LBP: variants seen among roughly 807,000 people sequenced by gnomAD.
LBP encodes the protein lipopolysaccharide-binding protein.
In LBP, 53 loss-of-function variants were observed where a neutral mutation model predicts 56.6. That is an observed-to-expected ratio of 0.94 (90% confidence interval 0.75 to 1.18). The LOEUF (loss-of-function observed/expected upper bound fraction) is 1.18. Ranked by LOEUF, LBP falls within the 50% of genes most tolerant of loss-of-function variation. The probability of loss-of-function intolerance (pLI) is 0.00; values close to 1 mark genes in which losing one functional copy is unlikely to be tolerated. For synonymous variants in LBP, 227 were observed against 247.5 expected, an observed-to-expected ratio of 0.92 and a Z score of 0.78; for missense variants, 601 against 598.3, an observed-to-expected ratio of 1.00 and a Z score of -0.05.
chr20:38,366,005 A>G (rs1235355938), intron 8 of LBP, among the ~76,000 whole-genome samples: 1 of 152,150 alleles, frequency 6.6e-6, no homozygotes, highest in Non-Finnish European at 1.5e-5. Context: ...GTGGCTTTGT[A>G]TAAGGGAGAC....
intron 1 of LBP, 35 bp from the exon 2 acceptor site, chr20:38,349,513 G>A (rs2076812757): frequency 1.3e-6 from 2 of 1,519,120 alleles, no homozygotes; most frequent in Non-Finnish European, 1.8e-6. Context: ...GAGGCAGGCA[G>A]ATCAAGCTGA....
At chr20:38,356,700 AATT>A (rs2076842478) in intron 5 of LBP, among the ~76,000 whole-genome samples, 2 of 152,158 alleles carry the variant, frequency 1.3e-5, no homozygotes, top group African/African-American at 2.4e-5. Flanking sequence ...CACATACCAT[AATT>A]ATTGTTTTGA....
At position 38,368,374 on chromosome 20, in the gene LBP, C is replaced by T. The variant is rs928198652; in HGVS notation, c.982-621C>T. 1.1e-4 allele frequency among the ~76,000 whole-genome samples: 17 copies of T among 152,152 alleles called. No homozygotes were observed. The South Asian group carries it at 2.7e-3, about 24-fold the overall frequency. On this transcript the variant is annotated intron_variant, in intron 9 of 14. Coordinates refer to ENST00000217407, the MANE Select transcript of LBP (RefSeq NM_004139.5). ...CAGCACTTTGGGAGGCTGAGGCGGGCAGATCACCTGAGGTCAGGAGTTCAA... is the reference window on the plus strand; with the variant it reads ...CAGCACTTTGGGAGGCTGAGGCGGGTAGATCACCTGAGGTCAGGAGTTCAA...
intron 9 of LBP, among the ~76,000 whole-genome samples, chr20:38,367,165 A>G (rs1389856657): frequency 6.6e-6 from 1 of 152,094 alleles, no homozygotes; most frequent in Non-Finnish European, 1.5e-5. Flanking sequence ...TTAAAAAATT[A>G]TTTTTTGGCC....
intron 8 of LBP, among the ~76,000 whole-genome samples, chr20:38,365,711 AAAAAAAATATATAT>A (rs1287223765): frequency 1.3e-4 from 5 of 38,590 alleles, no homozygotes; most frequent in South Asian, 8.0e-4. Flanking sequence ...AAAAAAAAAA[AAAAAAAATATATAT>A]ATATATATAT....
chr20:38,371,363 A>G, intron 12 of LBP, 41 bp downstream of exon 12: 1 of 1,451,652 alleles, frequency 6.9e-7, no homozygotes, highest in Non-Finnish European at 9.7e-7. Context: ...AATGTTAATT[A>G]ATTTGGGGTG....
intron 5 of LBP, among the ~76,000 whole-genome samples, chr20:38,356,970 C>T (rs539797775): frequency 6.6e-6 from 1 of 152,228 alleles, no homozygotes; most frequent in African/African-American, 2.4e-5. Flanking sequence ...ATTCTTCTGC[C>T]TCAGCCTCCC....
At chr20:38,366,892 T>G in intron 9 of LBP, 64 bp downstream of exon 9, 1 of 1,406,356 alleles carries the variant, frequency 7.1e-7, no homozygotes, top group Non-Finnish European at 1.0e-6. Flanking sequence ...AGGTTTCTCT[T>G]TAAAACCTCT....
chr20:38,365,870 C>A (rs1041894322), intron 8 of LBP, among the ~76,000 whole-genome samples: 2 of 151,826 alleles, frequency 1.3e-5, no homozygotes, highest in Non-Finnish European at 2.9e-5. Context: ...AAATTAATTT[C>A]TTTAACATCT....
In LBP at chr20:38,360,765, C is replaced by G. The variant is rs551617706; in HGVS notation, c.650C>G (p.Pro217Arg). 1 of 1,607,114 alleles carries G rather than the reference C, an allele frequency of 6.2e-7. No homozygotes were observed. Among genetic ancestry groups the G allele is most frequent in the Non-Finnish European group, 8.5e-7 (1 of 1,173,912 alleles). Residue 217 changes from proline to arginine, a missense_variant and splice_region_variant, in exon 6 of 15, where the codon CCA (proline) becomes CGA (arginine). Transcript: ENST00000217407. Reference sequence around the variant, plus strand: ...CTACAGCCTTATCTCCAAACTCTGCCAGGTAGGACACCCCATCCATCCCGG... The same window carrying G: ...CTACAGCCTTATCTCCAAACTCTGCGAGGTAGGACACCCCATCCATCCCGG... ...SDLQPYLQTLPVTTEIDSFAD... is the reference protein window; with the variant it reads ...SDLQPYLQTLRVTTEIDSFAD...
At chr20:38,347,583 G>A (rs2076805292) in intron 1 of LBP, among the ~76,000 whole-genome samples, 1 of 152,082 alleles carries the variant, frequency 6.6e-6, no homozygotes, top group East Asian at 1.9e-4. Flanking sequence ...AGCAAAAGTA[G>A]GAGTATTTTT....
Position 38,365,234 on chromosome 20 carries a change from C to CAAAAAAAA in LBP, c.921+494_921+501dup, listed in dbSNP as rs10627735. Among the ~76,000 whole-genome samples, 59 of 96,666 alleles carry CAAAAAAAA rather than the reference C, an allele frequency of 6.1e-4. 2 individuals carry two copies. Among genetic ancestry groups the CAAAAAAAA allele is most frequent in the African/African-American group, 2.3e-3 (57 of 24,622 alleles). 63.4% of individuals were successfully genotyped at this position (96,666 alleles called of 152,430 possible). A position where few individuals can be genotyped will look rare whatever the true frequency, so the allele number is the denominator to read the frequency against. ...TGAGCAACAGAGTGAGACCCTGTCT[C>CAAAAAAAA]AAAAAAAAAAAAAAAAAAAGCTCTT... On this transcript the variant is annotated intron_variant, in intron 8 of 14. Coordinates refer to ENST00000217407, the MANE Select transcript of LBP (RefSeq NM_004139.5).
chr20:38,351,062 C>A, intron 3 of LBP, 123 bp downstream of exon 3: 1 of 1,284,648 alleles, frequency 7.8e-7, no homozygotes, highest in South Asian at 1.5e-5. Flanking sequence ...GAGTCCAAGC[C>A]CGGAGGTGGC....
At chr20:38,348,792 T>TTTAGTTTAGTTTAGTTTAGTTTAGTTTA (rs1600721185) in intron 1 of LBP, among the ~76,000 whole-genome samples, 30 of 41,626 alleles carry the variant, frequency 7.2e-4, no homozygotes, top group African/African-American at 1.1e-3. Context: ...AGTTTAGTTT[T>TTTAGTTTAGTTTAGTTTAGTTTAGTTTA]GTTTTGTTTT....
intron 11 of LBP, among the ~76,000 whole-genome samples, chr20:38,371,057 TAAAG>T (rs1568836030): frequency 1.3e-5 from 2 of 152,210 alleles, no homozygotes; most frequent in Non-Finnish European, 2.9e-5. Flanking sequence ...CCTGAAATGA[TAAAG>T]AGTGAGCTTT....
intron 8 of LBP, 134 bp downstream of exon 8, chr20:38,364,886 A>G: frequency 1.2e-6 from 1 of 827,406 alleles, no homozygotes; most frequent in Non-Finnish European, 1.9e-6. Context: ...CAAGAAAAAT[A>G]TGTTAGCACA....
chr20:38,367,304 A>AT (rs2076885725), intron 9 of LBP, among the ~76,000 whole-genome samples: 1 of 152,010 alleles, frequency 6.6e-6, no homozygotes, highest in African/African-American at 2.4e-5. Flanking sequence ...AAATACAAAA[A>AT]TTAGCCAAGC....
In LBP at chr20:38,364,602, T is replaced by C. The variant is rs974270194; in HGVS notation, c.771T>C (p.Arg257=). 7 of 1,614,062 alleles carry C rather than the reference T, an allele frequency of 4.3e-6. No homozygotes were observed. Among genetic ancestry groups the C allele is most frequent in the Admixed American group, 3.3e-5 (2 of 60,002 alleles). Residue 257 remains arginine (R), a synonymous_variant, in exon 8 of 15, where the codon CGT becomes CGC. Coordinates refer to ENST00000217407, the MANE Select transcript of LBP (RefSeq NM_004139.5). The part of the protein sequence containing the change: ...FKGEIFHRNH[R]SPVTLLAAVM... ...GTGAAATCTTTCATCGTAACCACCG[T>C]TCTCCAGTTACCCTCCTTGCTGCAG...
At chr20:38,364,175 T>C in intron 7 of LBP, 109 bp downstream of exon 7, 2 of 750,100 alleles carry the variant, frequency 2.7e-6, no homozygotes, top group Admixed American at 4.4e-5. Context: ...CTCCCAGTGG[T>C]TCCCGCTTTG....
Sources: allele counts gnomAD v4.1 joint callset (sites outside exome capture counted in the v4.1 genomes callset), GRCh38; gene constraint gnomAD v4.1.1; transcripts MANE v1.5; gene names NCBI Gene and HGNC (gene_info 2026-07-23, HGNC 2026-07-21).